The following FBXL7 variants were observed in gnomAD, a reference collection of about 807,000 sequenced individuals.
FBXL7 encodes the protein F-box/LRR-repeat protein 7.
In FBXL7, 12 loss-of-function variants were observed where a neutral mutation model predicts 38.3. The observed-to-expected ratio is 0.31, with a 90% CI of 0.20 to 0.51. FBXL7 has a LOEUF of 0.51. FBXL7 is among the 20% of genes least tolerant of loss of function. FBXL7 has a pLI of 0.98. For synonymous variants in FBXL7, 297 were observed against 300.9 expected (o/e 0.99, Z 0.13); for missense variants, 567 against 676.4 (o/e 0.84, Z 1.79).
intron 2 of FBXL7, among the ~76,000 whole-genome samples, chr5:15,653,974 A>T (rs918698940): frequency 3.3e-5 from 5 of 152,202 alleles, no homozygotes; most frequent in African/African-American, 1.2e-4. Flanking sequence ...AACATTAAAG[A>T]CTTTGACTCA....
At chr5:15,584,448 G>C (rs996511502) in intron 1 of FBXL7, among the ~76,000 whole-genome samples, 2 of 152,148 alleles carry the variant, frequency 1.3e-5, no homozygotes, top group Admixed American at 1.3e-4. Flanking sequence ...TAGGGCAGGG[G>C]CAAAGTGCCA....
intron 2 of FBXL7, among the ~76,000 whole-genome samples, chr5:15,658,388 T>G (rs1189434435): frequency 6.6e-6 from 1 of 152,190 alleles, no homozygotes; most frequent in Non-Finnish European, 1.5e-5. Context: ...ATCCCCACTT[T>G]TCGTGGGAGG....
chr5:15,674,202 C>T (rs1347985615), intron 2 of FBXL7, among the ~76,000 whole-genome samples: 1 of 152,152 alleles, frequency 6.6e-6, no homozygotes, highest in Non-Finnish European at 1.5e-5. Flanking sequence ...CCTGGGATCA[C>T]GCCAGGCTCA....
intron 2 of FBXL7, among the ~76,000 whole-genome samples, chr5:15,757,539 GAA>G (rs80038304): frequency 3.1e-4 from 40 of 129,822 alleles, no homozygotes; most frequent in African/African-American, 9.2e-4. Flanking sequence ...ATTTTCTCAG[GAA>G]AAAAAAAAAA....
chr5:15,637,216 T>A (rs1741216156), intron 2 of FBXL7, among the ~76,000 whole-genome samples: 1 of 152,188 alleles, frequency 6.6e-6, no homozygotes, highest in Non-Finnish European at 1.5e-5. Context: ...GGTGGAACTT[T>A]CCAATGGGCA....
intron 2 of FBXL7, among the ~76,000 whole-genome samples, chr5:15,927,247 G>A (rs1306169180): frequency 1.3e-5 from 2 of 152,128 alleles, no homozygotes; most frequent in African/African-American, 4.8e-5. Context: ...GGCAGGGCTT[G>A]TCGTTGCAAG....
intron 2 of FBXL7, among the ~76,000 whole-genome samples, chr5:15,906,513 ATTTTT>A (rs34465454): frequency 7.4e-6 from 1 of 134,410 alleles, no homozygotes; most frequent in African/African-American, 3.3e-5. Flanking sequence ...TCCACAAAAA[ATTTTT>A]TTTTTTTTTT....
intron 1 of FBXL7, among the ~76,000 whole-genome samples, chr5:15,599,707 G>A (rs548236919): frequency 6.6e-6 from 1 of 152,314 alleles, no homozygotes; most frequent in Non-Finnish European, 1.5e-5. Context: ...CAGTTATTAA[G>A]GGAGTCAGTG....
At chr5:15,830,490 A>G (rs1405841080) in intron 2 of FBXL7, among the ~76,000 whole-genome samples, 1 of 82,610 alleles carries the variant, frequency 1.2e-5, no homozygotes, top group Non-Finnish European at 2.2e-5. Context: ...TCTAAAACAC[A>G]CACACACACA....
chr5:15,655,616 C>T (rs532588170), intron 2 of FBXL7, among the ~76,000 whole-genome samples: 1 of 152,138 alleles, frequency 6.6e-6, no homozygotes, highest in Non-Finnish European at 1.5e-5. Context: ...CATAAATAAA[C>T]TATGGTTGAT....
In FBXL7 at chr5:15,889,423, G is replaced by A. The variant is rs141466134; in HGVS notation, c.128-38467G>A. On this transcript the variant is annotated intron_variant, in intron 2 of 3. Transcript: ENST00000504595. ...CATGTTTCTTGGAAAATCACTAAGC[G>A]GCAGAGATTTTCCTATTGAACCAAA... 3.3e-5 allele frequency among the ~76,000 whole-genome samples: 5 copies of A among 152,258 alleles called. No individual in the cohort carries two copies. In the East Asian group the frequency reaches 5.8e-4, roughly 18 times the overall value.
intron 2 of FBXL7, among the ~76,000 whole-genome samples, chr5:15,860,540 T>G (rs1739431682): frequency 6.6e-6 from 1 of 152,216 alleles, no homozygotes; most frequent in South Asian, 2.1e-4. Flanking sequence ...TGGGCTTATT[T>G]TAGTTTCGGA....
intron 2 of FBXL7, among the ~76,000 whole-genome samples, chr5:15,677,188 G>A (rs1455000645): frequency 6.6e-6 from 1 of 152,190 alleles, no homozygotes; most frequent in African/African-American, 2.4e-5. Context: ...GAAATTTCTA[G>A]GCTGGGCGCA....
At chr5:15,732,997 C>A (rs1167540126) in intron 2 of FBXL7, among the ~76,000 whole-genome samples, 1 of 152,122 alleles carries the variant, frequency 6.6e-6, no homozygotes, top group Non-Finnish European at 1.5e-5. Context: ...CCAGACATTA[C>A]AGAAATGGTC....
intron 2 of FBXL7, among the ~76,000 whole-genome samples, chr5:15,627,105 A>G (rs1740846506): frequency 6.6e-6 from 1 of 152,104 alleles, no homozygotes; most frequent in Non-Finnish European, 1.5e-5. Context: ...ACCATTCCCA[A>G]CTGTCTTAAA....
rs35742221 is a variant in FBXL7 at position 15,597,495 on chromosome 5, T to TAA, written c.38-18465_38-18464dup. 5.6e-3 allele frequency among the ~76,000 whole-genome samples: 646 copies of TAA among 114,868 alleles called. 6 individuals are homozygous for TAA. Among genetic ancestry groups the TAA allele is most frequent in the African/African-American group, 0.019 (589 of 30,742 alleles). The allele number at this position is 114,868 out of a possible 152,430, so 75.4% of individuals were successfully genotyped here. ...TATCTCTCTAGATAATATCATTTTG[T>TAA]AAAAAAAAAAAAAAAAAAAAAAAAT... On this transcript the variant is annotated intron_variant, in intron 1 of 3. Coordinates refer to ENST00000504595, the MANE Select transcript of FBXL7 (RefSeq NM_012304.5).
chr5:15,590,879 A>G (rs972410273), intron 1 of FBXL7, among the ~76,000 whole-genome samples: 1 of 152,198 alleles, frequency 6.6e-6, no homozygotes, highest in Non-Finnish European at 1.5e-5. Flanking sequence ...AAATGCTTCT[A>G]GTTAACCTAA....
intron 2 of FBXL7, among the ~76,000 whole-genome samples, chr5:15,823,513 T>C (rs1738227768): frequency 6.6e-6 from 1 of 152,202 alleles, no homozygotes; most frequent in African/African-American, 2.4e-5. Flanking sequence ...CTCTTAGTTA[T>C]CAAATCCAAC....
At chr5:15,891,714 T>G (rs1474160586) in intron 2 of FBXL7, among the ~76,000 whole-genome samples, 3 of 152,132 alleles carry the variant, frequency 2.0e-5, no homozygotes, top group Non-Finnish European at 2.9e-5. Context: ...CTGAGCCCAG[T>G]TTAGATCCCA....
Sources: gnomAD v4.1 joint callset for allele counts (sites outside exome capture counted in the v4.1 genomes callset) on GRCh38, gnomAD v4.1.1 for gene constraint, MANE v1.5 for transcripts, NCBI Gene and HGNC (gene_info 2026-07-23, HGNC 2026-07-21) for gene names.